The following TRIM17 variants were observed in gnomAD, a reference collection of about 807,000 sequenced individuals.
TRIM17 encodes the protein E3 ubiquitin-protein ligase TRIM17.
TRIM17 carries 27 observed loss-of-function variants against 35.8 expected under a neutral mutation model. The observed-to-expected ratio is 0.75, with a 90% CI of 0.56 to 1.04. The LOEUF (loss-of-function observed/expected upper bound fraction) is 1.04. Ranked by LOEUF, TRIM17 falls within the 50% of genes least tolerant of loss-of-function variation. TRIM17 has a pLI of 0.00. For synonymous variants in TRIM17, 246 were observed against 252.6 expected, an observed-to-expected ratio of 0.97 and a Z score of 0.25; for missense variants, 582 against 612.8, an observed-to-expected ratio of 0.95 and a Z score of 0.53.
At position 228,416,763 on chromosome 1, in the gene TRIM17, G is replaced by A. The variant is rs1419017146; in HGVS notation, c.-266C>T. 5.9e-5 allele frequency: 58 copies of A among 983,734 alleles called. No individual in the cohort carries two copies. Among genetic ancestry groups the A allele is most frequent in the Non-Finnish European group, 6.3e-5 (52 of 828,982 alleles). The allele number at this position is 983,734 out of a possible 1,614,324, so 60.9% of individuals were successfully genotyped here. On this transcript the variant is annotated 5_prime_UTR_variant, in exon 1 of 7. Transcript: ENST00000366698. ...AGTGTTCGGCGGCCGGGACTGGGGC[G>A]GCGCCTCTTAGGAGAGGTTGGGGGT...
At position 228,409,285 on chromosome 1, in the gene TRIM17, GCA is replaced by G. The variant is rs1277350722; in HGVS notation, c.780-12_780-11del. 7 of 1,612,888 alleles carry G rather than the reference GCA, an allele frequency of 4.3e-6. No individual in the cohort carries two copies. Among genetic ancestry groups the G allele is most frequent in the African/African-American group, 1.3e-5 (1 of 74,812 alleles). The stretch of plus-strand genomic sequence containing the variant: ...ACTCACGTTGTTCTTCCTCCGGTGG[GCA>G]CACACAGGGGAGTCTTATTGACTCC... On this transcript the variant is annotated splice_polypyrimidine_tract_variant and intron_variant, in intron 5 of 6. Transcript: ENST00000366698.
intron 1 of TRIM17, chr1:228,416,095 G>A (rs1458123413): frequency 6.5e-6 from 1 of 154,192 alleles, no homozygotes; most frequent in Non-Finnish European, 1.4e-5. Context: ...TGAAAATCGC[G>A]TCTACACTGC....
rs1657019599 is a variant in TRIM17, at chr1:228,415,039, C to T, written c.34G>A (p.Glu12Lys). Reference sequence around the variant, plus strand: ...AGACAGATGGAGCACGTAGCTTCCTCCTGCAGTTTTCTGGCGAGTTCCACA... The same window carrying T: ...AGACAGATGGAGCACGTAGCTTCCTTCTGCAGTTTTCTGGCGAGTTCCACA... ...EAVELARKLQEEATCSICLDY... is the reference protein window; with the variant it reads ...EAVELARKLQKEATCSICLDY... Residue 12 changes from glutamate to lysine, a missense_variant, in exon 2 of 7, where the codon GAG (glutamate) becomes AAG (lysine). By Grantham distance (56) the Glu-to-Lys change is moderately conservative. Transcript: ENST00000366698. The T allele has an allele frequency of 6.2e-7, 1 of 1,607,566 alleles. No individual in the cohort carries two copies. Among genetic ancestry groups the T allele is most frequent in the Non-Finnish European group, 8.5e-7 (1 of 1,175,610 alleles).
intron 1 of TRIM17, among the ~76,000 whole-genome samples, chr1:228,416,187 C>A (rs555581277): frequency 6.6e-6 from 1 of 152,342 alleles, no homozygotes; most frequent in Non-Finnish European, 1.5e-5. Context: ...CTCTGTCCCA[C>A]GTCCAGTTTC....
Position 228,411,438 on chromosome 1 carries a change from A to C in TRIM17, c.526-262T>G, listed in dbSNP as rs187902782. On this transcript the variant is annotated intron_variant, in intron 3 of 6. Coordinates refer to ENST00000366698, the MANE Select transcript of TRIM17 (RefSeq NM_016102.4). The surrounding 1 kb of genome is among the most constrained non-coding windows in gnomAD (Gnocchi z 4.2). Reference sequence around the variant, plus strand: ...GAGGAGGTTCAGAATGTCCACCCCCAGATAAGCCTCTTGGGCATGTTAAAC... The same window carrying C: ...GAGGAGGTTCAGAATGTCCACCCCCCGATAAGCCTCTTGGGCATGTTAAAC... 3.3e-5 allele frequency among the ~76,000 whole-genome samples: 5 copies of C among 152,318 alleles called. No homozygotes were observed. The East Asian group carries it at 9.7e-4, about 29-fold the overall frequency.
rs780090533 is a variant in TRIM17 at position 228,408,362 on chromosome 1, C to T, written c.1273G>A (p.Glu425Lys). The change falls in exon 7 of 7, where the codon GAA (glutamate) becomes AAA (lysine). Residue 425 changes from glutamate (E) to lysine (K), a missense_variant. By Grantham distance (56) the Glu-to-Lys change is moderately conservative. Coordinates refer to ENST00000366698, the MANE Select transcript of TRIM17 (RefSeq NM_016102.4). This position sits in a 1 kb window ranked among gnomAD's most constrained non-coding sequence, Gnocchi z 6.3. ...PSHMGIFLDF[E>K]AGEVSFYSVS... is the part of the protein sequence containing the mutation. ...CTGTAGAAGGACACTTCCCCGGCTT[C>T]GAAGTCCAGGAAGATGCCCATGTGG... The T allele has an allele frequency of 1.7e-5, 27 of 1,614,010 alleles. No individual in the cohort carries two copies. The highest frequency in any genetic ancestry group is 6.7e-5 in the African/African-American group (5 of 74,926).
rs1558459321 is a variant in TRIM17 at position 228,414,767 on chromosome 1, G to C, written c.306C>G (p.His102Gln). Reference protein sequence around the residue: ...GLQKQDLCQEHHEPLKLFCQK... With the variant: ...GLQKQDLCQEQHEPLKLFCQK... ...GGCAGAAAAGCTTGAGGGGCTCGTGGTGCTCCTGGCACAGGTCTTGCTTCT... is the reference window on the plus strand; with the variant it reads ...GGCAGAAAAGCTTGAGGGGCTCGTGCTGCTCCTGGCACAGGTCTTGCTTCT... The change falls in exon 2 of 7, where the codon CAC becomes CAG. Residue 102 changes from histidine (H) to glutamine (Q), a missense_variant. By Grantham distance (24) the His-to-Gln change is conservative. Coordinates refer to ENST00000366698, the MANE Select transcript of TRIM17 (RefSeq NM_016102.4). The C allele has an allele frequency of 1.2e-6, 2 of 1,612,924 alleles. No homozygotes were observed. Among genetic ancestry groups the C allele is most frequent in the Non-Finnish European group, 1.7e-6 (2 of 1,180,042 alleles).
rs147270097 is a variant in TRIM17 at position 228,408,382 on chromosome 1, A to C, written c.1253T>G (p.Met418Arg). ...PVMLMEPPSH[M>R]GIFLDFEAGE... ...GGCTTCGAAGTCCAGGAAGATGCCCATGTGGCTGGGAGGCTCCATCAGCAT... is the reference window on the plus strand; with the variant it reads ...GGCTTCGAAGTCCAGGAAGATGCCCCTGTGGCTGGGAGGCTCCATCAGCAT... Residue 418 changes from methionine to arginine, a missense_variant, in exon 7 of 7, where the codon ATG becomes AGG. By Grantham distance (91) the Met-to-Arg change is moderately conservative (BLOSUM62 -1). Transcript: ENST00000366698. This position sits in a 1 kb window ranked among gnomAD's most constrained non-coding sequence, Gnocchi z 6.3. 5.7e-5 allele frequency: 92 copies of C among 1,614,008 alleles called. No individual in the cohort carries two copies. The highest frequency in any genetic ancestry group is 8.3e-5 in the Admixed American group (5 of 60,000).
chr1:228,414,888 C>G lies in TRIM17; in HGVS notation c.185G>C (p.Cys62Ser). ...GRRKRKGSFP[C>S]PECREMSPQR... ...CGGGGACATCTCTCTGCACTCGGGG[C>G]AGGGGAAGGAGCCCTTCCGCTTCCG... Residue 62 changes from cysteine to serine, a missense_variant, in exon 2 of 7, where the codon TGC becomes TCC. By Grantham distance (112) the Cys-to-Ser change is moderately radical. Transcript: ENST00000366698. 6.2e-7 allele frequency: 1 copy of G among 1,613,594 alleles called. No homozygotes were observed. Among genetic ancestry groups the G allele is most frequent in the Non-Finnish European group, 8.5e-7 (1 of 1,180,010 alleles).
In TRIM17 at chr1:228,413,822, T is replaced by C. The variant is rs1656923138; in HGVS notation, c.500A>G (p.Glu167Gly). The part of the protein sequence containing the change: ...ITRTGNLQAR[E>G]EQSLAEWQGK... ...CTGCCACTCGGCTAAGCTCTGCTCCTCCCTGGCCTGCAGATTCCCTGTCCT... is the reference window on the plus strand; with the variant it reads ...CTGCCACTCGGCTAAGCTCTGCTCCCCCCTGGCCTGCAGATTCCCTGTCCT... The change falls in exon 3 of 7, where the codon GAG becomes GGG. Residue 167 changes from glutamate (E) to glycine (G), a missense_variant. Transcript: ENST00000366698. 6.2e-7 allele frequency: 1 copy of C among 1,614,196 alleles called. No individual in the cohort carries two copies.
intron 3 of TRIM17, among the ~76,000 whole-genome samples, chr1:228,412,355 C>A (rs1256945819): frequency 6.6e-6 from 1 of 152,068 alleles, no homozygotes; most frequent in Non-Finnish European, 1.5e-5. Flanking sequence ...ACAGAATGGG[C>A]CTGCTGGACC....
rs1361488793 is a variant in TRIM17, at chr1:228,408,794, G to A, written c.884-43C>T. The A allele has an allele frequency of 1.3e-6, 2 of 1,570,630 alleles. No individual in the cohort carries two copies. The highest frequency in any genetic ancestry group is 1.3e-5 in the African/African-American group (1 of 74,366). On this transcript the variant is annotated intron_variant, in intron 6 of 6. Coordinates refer to ENST00000366698, the MANE Select transcript of TRIM17 (RefSeq NM_016102.4). This position sits in a 1 kb window ranked among gnomAD's most constrained non-coding sequence, Gnocchi z 6.3. ...GGTGGAGAGATGGGGAGAGGTGTGG[G>A]GCATTCAGGGTCAAAGGTGGGAGTC...
chr1:228,416,702 T>TGGGGGGGGGG lies in TRIM17; in HGVS notation c.-206_-205insCCCCCCCCCC. On this transcript the variant is annotated 5_prime_UTR_variant, in exon 1 of 7. Transcript: ENST00000366698. Reference sequence around the variant, plus strand: ...GGGACTTTGTGGCGTCAGCGGGGGCTGGGGGGCGGCGGGGGAGGGGAATGC... The same window carrying TGGGGGGGGGG: ...GGGACTTTGTGGCGTCAGCGGGGGCTGGGGGGGGGGGGGGGGCGGCGGGGGAGGGGAATGC... The TGGGGGGGGGG allele has an allele frequency of 2.2e-5, 1 of 46,490 alleles. No homozygotes were observed. The highest frequency in any genetic ancestry group is 2.5e-5 in the Non-Finnish European group (1 of 40,580). 2.9% of individuals were successfully genotyped at this position (46,490 alleles called of 1,614,324 possible).
In TRIM17 at chr1:228,410,955, C is replaced by T. The variant is rs200393879; in HGVS notation, c.747G>A (p.Gln249=). 16 of 1,567,938 alleles carry T rather than the reference C, an allele frequency of 1.0e-5. No individual in the cohort carries two copies. Among genetic ancestry groups the T allele is most frequent in the Non-Finnish European group, 1.2e-5 (14 of 1,157,612 alleles). Residue 249 remains glutamine (Q), a synonymous_variant, in exon 4 of 7, where the codon CAG becomes CAA. Transcript: ENST00000366698. The surrounding 1 kb of genome is among the most constrained non-coding windows in gnomAD (Gnocchi z 4.6). ...AAGCCTACTGGCTCACCTGCAGCAT[C>T]TGGAGGGGCCCCTGTGTGCTCCGCT... The part of the protein sequence containing the change: ...LEERSTQGPL[Q]MLQDMKEPLS...
Position 228,410,345 on chromosome 1 carries a change from G to T in TRIM17, c.756+601C>A, listed in dbSNP as rs1054847758. Among the ~76,000 whole-genome samples the T allele has an allele frequency of 6.6e-6, 1 of 151,860 alleles. No homozygotes were observed. Among genetic ancestry groups the T allele is most frequent in the Non-Finnish European group, 1.5e-5 (1 of 67,954 alleles). ...GGGCCATGGCACACAGGCTGGTCCC[G>T]GCAGACAGGCTGGCTGCTTCACCTC... On this transcript the variant is annotated intron_variant, in intron 4 of 6. Coordinates refer to ENST00000366698, the MANE Select transcript of TRIM17 (RefSeq NM_016102.4). The surrounding 1 kb of genome is among the most constrained non-coding windows in gnomAD (Gnocchi z 4.6).
At position 228,416,684 on chromosome 1, in the gene TRIM17, T is replaced by G; in HGVS notation, c.-187A>C. ...CTGGGGTCGGGAGGCCTAGGGACTT[T>G]GTGGCGTCAGCGGGGGCTGGGGGGC... On this transcript the variant is annotated 5_prime_UTR_variant, in exon 1 of 7. Coordinates refer to ENST00000366698, the MANE Select transcript of TRIM17 (RefSeq NM_016102.4). The G allele has an allele frequency of 1.1e-6, 1 of 905,570 alleles. No individual in the cohort carries two copies. Among genetic ancestry groups the G allele is most frequent in the Non-Finnish European group, 1.3e-6 (1 of 786,248 alleles). The allele number at this position is 905,570 out of a possible 1,614,324, so 56.1% of individuals were successfully genotyped here.
In TRIM17 at chr1:228,414,625, G is replaced by A. The variant is rs944050090; in HGVS notation, c.429+19C>T. The A allele has an allele frequency of 1.9e-6, 3 of 1,598,618 alleles. No homozygotes were observed. In the African/African-American group the frequency reaches 4.0e-5, roughly 21 times the overall value. On this transcript the variant is annotated intron_variant, in intron 2 of 6. Transcript: ENST00000366698. ...TGCCTCCTCCCCGGCCCCTTGACCTGGGCCCCGATGTGGCCTACCTTGTAC... is the reference window on the plus strand; with the variant it reads ...TGCCTCCTCCCCGGCCCCTTGACCTAGGCCCCGATGTGGCCTACCTTGTAC...
chr1:228,416,484 C>T (rs1337086062), intron 1 of TRIM17, 55 bp downstream of exon 1: 3 of 985,768 alleles, frequency 3.0e-6, no homozygotes, highest in African/African-American at 3.5e-5. Flanking sequence ...AGGCTTAGGT[C>T]GTGGCCCAGG....
In TRIM17 at chr1:228,408,813, G is replaced by A; in HGVS notation, c.884-62C>T. 2 of 1,550,848 alleles carry A rather than the reference G, an allele frequency of 1.3e-6. No homozygotes were observed. Among genetic ancestry groups the A allele is most frequent in the South Asian group, 1.2e-5 (1 of 82,620 alleles). On this transcript the variant is annotated intron_variant, in intron 6 of 6. Coordinates refer to ENST00000366698, the MANE Select transcript of TRIM17 (RefSeq NM_016102.4). The surrounding 1 kb of genome is among the most constrained non-coding windows in gnomAD (Gnocchi z 6.3). ...GTGTGGGGCATTCAGGGTCAAAGGT[G>A]GGAGTCCCCGGGCCCTAGTGGTGGA...
Sources: allele counts gnomAD v4.1 joint callset (sites outside exome capture counted in the v4.1 genomes callset), GRCh38; gene constraint gnomAD v4.1.1; non-coding constraint Gnocchi (gnomAD v3.1); transcripts MANE v1.5; gene names NCBI Gene and HGNC (gene_info 2026-07-23, HGNC 2026-07-21).